The following ZBTB16 variants were observed in gnomAD, a reference collection of about 807,000 sequenced individuals.
ZBTB16 encodes zinc finger and BTB domain-containing protein 16.
Under a neutral mutation model 56.8 loss-of-function variants are expected in ZBTB16, and 8 were observed. The ratio of observed to expected loss-of-function variants is 0.14; its 90% CI spans 0.08 to 0.25. The LOEUF (loss-of-function observed/expected upper bound fraction) is 0.25, where lower values mean the gene tolerates loss of function less well. Ranked by LOEUF, ZBTB16 falls within the 10% of genes least tolerant of loss-of-function variation. The pLI is 1.00. For synonymous variants in ZBTB16, 363 were observed against 368.5 expected, an observed-to-expected ratio of 0.98 and a Z score of 0.17; for missense variants, 625 against 903.0, an observed-to-expected ratio of 0.69 and a Z score of 3.95.
rs1261402510 is a variant in ZBTB16 at position 114,224,083 on chromosome 11, CAG to C, written c.1454-18083_1454-18082del. Among the ~76,000 whole-genome samples, 5 of 152,250 alleles carry C rather than the reference CAG, an allele frequency of 3.3e-5. No homozygotes were observed. The East Asian group carries it at 9.6e-4, about 29-fold the overall frequency. On this transcript the variant is annotated intron_variant, in intron 4 of 6. Transcript: ENST00000335953. ...AGGGAAGTAATGAAAGGATCTTAAT[CAG>C]GGGAGGGACATCAGGTGATGTCATG...
chr11:114,184,682 C>T (rs1943324226), intron 3 of ZBTB16, among the ~76,000 whole-genome samples: 1 of 152,064 alleles, frequency 6.6e-6, no homozygotes, highest in Non-Finnish European at 1.5e-5. Context: ...GGAGGTAATG[C>T]TAGCATGTAC....
chr11:114,114,494 T>C (rs138639947), intron 2 of ZBTB16, among the ~76,000 whole-genome samples: 2 of 152,328 alleles, frequency 1.3e-5, no homozygotes, highest in East Asian at 3.9e-4. Context: ...GGGAGATGAC[T>C]GAAGGCATAG....
At chr11:114,156,803 T>G (rs1033989273) in intron 3 of ZBTB16, among the ~76,000 whole-genome samples, 7 of 152,226 alleles carry the variant, frequency 4.6e-5, no homozygotes, top group Non-Finnish European at 2.9e-5. Context: ...TTTAATTAAA[T>G]GGATATAGAA....
Position 114,063,621 on chromosome 11 carries a change from G to A in ZBTB16, c.321G>A (p.Glu107=), listed in dbSNP as rs1938974107. ...TGGATGACCTGCTGTATGCGGCCGA[G>A]ATCCTGGAGATCGAGTACCTGGAGG... ...EDLDDLLYAA[E]ILEIEYLEEQ... Residue 107 remains glutamate, a synonymous_variant, in exon 2 of 7, where the codon GAG becomes GAA. Transcript: ENST00000335953. This position sits in a 1 kb window ranked among gnomAD's most constrained non-coding sequence, Gnocchi z 6.5. 6.2e-7 allele frequency: 1 copy of A among 1,614,076 alleles called. No homozygotes were observed. Among genetic ancestry groups the A allele is most frequent in the Non-Finnish European group, 8.5e-7 (1 of 1,180,052 alleles).
intron 4 of ZBTB16, among the ~76,000 whole-genome samples, chr11:114,194,224 C>G (rs1043093002): frequency 1.2e-4 from 18 of 152,360 alleles, no homozygotes; most frequent in Admixed American, 1.1e-3. Flanking sequence ...TCATGGAGCT[C>G]ACGTGTGGCT....
At chr11:114,221,995 C>T (rs551457169) in intron 4 of ZBTB16, among the ~76,000 whole-genome samples, 1 of 152,222 alleles carries the variant, frequency 6.6e-6, no homozygotes, top group Admixed American at 6.5e-5. Flanking sequence ...CATGCAGTGA[C>T]CATCCAGCTT....
chr11:114,221,972 G>T (rs531451884), intron 4 of ZBTB16, among the ~76,000 whole-genome samples: 2 of 152,304 alleles, frequency 1.3e-5, no homozygotes, highest in African/African-American at 2.4e-5. Context: ...CCATGTTACA[G>T]AGTGTCCATG....
intron 2 of ZBTB16, among the ~76,000 whole-genome samples, chr11:114,153,148 C>A (rs1316905479): frequency 6.6e-6 from 1 of 152,178 alleles, no homozygotes; most frequent in Non-Finnish European, 1.5e-5. Context: ...AAATCCTCCA[C>A]CATTATTTTC....
intron 2 of ZBTB16, among the ~76,000 whole-genome samples, chr11:114,135,642 C>T (rs1941779171): frequency 6.6e-6 from 1 of 152,028 alleles, no homozygotes; most frequent in Admixed American, 6.6e-5. Context: ...TTGATTTTAG[C>T]CTAGCGAGAC....
chr11:114,060,305 A>T lies in ZBTB16; in HGVS notation c.-91+423A>T, dbSNP rs2137641645. The T allele has an allele frequency of 6.5e-6, 1 of 153,358 alleles. No homozygotes were observed. Among genetic ancestry groups the T allele is most frequent in the South Asian group, 2.1e-4 (1 of 4,844 alleles). The allele number at this position is 153,358 out of a possible 1,614,324, so 9.5% of individuals were successfully genotyped here. ...CGGGCGCAAGATAAGGTTGTGGTTT[A>T]TTTATTTGTGTGTTTATTCGCCGGC... On this transcript the variant is annotated intron_variant, in intron 1 of 6. Coordinates refer to ENST00000335953, the MANE Select transcript of ZBTB16 (RefSeq NM_006006.6). The surrounding 1 kb of genome is among the most constrained non-coding windows in gnomAD (Gnocchi z 6.0).
intron 3 of ZBTB16, among the ~76,000 whole-genome samples, chr11:114,158,448 A>G (rs1942484240): frequency 6.6e-6 from 1 of 152,152 alleles, no homozygotes; most frequent in Admixed American, 6.5e-5. Context: ...AGATCTTCCA[A>G]GGTCCCTTCC....
At chr11:114,166,125 C>T (rs1942745862) in intron 3 of ZBTB16, among the ~76,000 whole-genome samples, 1 of 151,900 alleles carries the variant, frequency 6.6e-6, no homozygotes, top group Non-Finnish European at 1.5e-5. Context: ...GTTCAACTGC[C>T]TAGGTCTGTG....
chr11:114,214,897 G>A (rs1350947603), intron 4 of ZBTB16, among the ~76,000 whole-genome samples: 1 of 152,036 alleles, frequency 6.6e-6, no homozygotes, highest in Non-Finnish European at 1.5e-5. Context: ...AGGCACAAGT[G>A]AAGGAGAAAA....
chr11:114,129,476 CTGCCTTACGCAG>C (rs1291030466), intron 2 of ZBTB16, among the ~76,000 whole-genome samples: 3 of 152,232 alleles, frequency 2.0e-5, no homozygotes, highest in Admixed American at 2.0e-4. Context: ...CATTTGCTTC[CTGCCTTACGCAG>C]GCTCCCAGCA....
intron 4 of ZBTB16, among the ~76,000 whole-genome samples, chr11:114,200,565 T>C (rs526497): frequency 0.75 from 114,018 of 152,094 alleles, 43,666 homozygotes; most frequent in African/African-American, 0.9. Flanking sequence ...TTAAATAATA[T>C]GACTCATCCA....
chr11:114,061,297 CCA>C (rs1348904810), intron 1 of ZBTB16: 1 of 151,284 alleles, frequency 6.6e-6, no homozygotes, highest in African/African-American at 2.4e-5. Context: ...CCGTGGGCGC[CCA>C]GATTTCCCTC....
At position 114,064,147 on chromosome 11, in the gene ZBTB16, C is replaced by T; in HGVS notation, c.847C>T (p.Pro283Ser). The change falls in exon 2 of 7, where the codon CCG becomes TCG. Residue 283 changes from proline to serine, a missense_variant. Transcript: ENST00000335953. This position sits in a 1 kb window ranked among gnomAD's most constrained non-coding sequence, Gnocchi z 4.2. ...AAGAGGCAAAGAGGGGCCTGGGACC[C>T]CGACTCGAAGCAGCGTCATCACCAG... ...EERGKEGPGT[P>S]TRSSVITSAR... 1 of 1,613,880 alleles carries T rather than the reference C, an allele frequency of 6.2e-7. No individual in the cohort carries two copies. Among genetic ancestry groups the T allele is most frequent in the Non-Finnish European group, 8.5e-7 (1 of 1,180,020 alleles).
chr11:114,175,917 G>A (rs934408779), intron 3 of ZBTB16, among the ~76,000 whole-genome samples: 5 of 151,930 alleles, frequency 3.3e-5, no homozygotes, highest in African/African-American at 7.3e-5. Context: ...CCCTTGGAGG[G>A]GTCTTAGTCT....
chr11:114,225,179 G>T (rs922217887), intron 4 of ZBTB16, among the ~76,000 whole-genome samples: 2 of 152,090 alleles, frequency 1.3e-5, no homozygotes, highest in Non-Finnish European at 2.9e-5. Flanking sequence ...GAAAGGAAAG[G>T]CATTCTAGGG....
Sources: gnomAD v4.1 joint callset for allele counts (sites outside exome capture counted in the v4.1 genomes callset) on GRCh38, gnomAD v4.1.1 for gene constraint, Gnocchi (gnomAD v3.1) non-coding constraint, MANE v1.5 for transcripts, NCBI Gene and HGNC (gene_info 2026-07-23, HGNC 2026-07-21) for gene names.